Variants in EVC2 observed in about 807,000 individuals in gnomAD.
The protein encoded by EVC2 is EvC ciliary complex subunit 2.
EVC2 carries 148 observed loss-of-function variants against 149.3 expected under a neutral mutation model. The ratio of observed to expected loss-of-function variants is 0.99; its 90% CI spans 0.87 to 1.14. EVC2 has a LOEUF of 1.14. Among genes scored for constraint, EVC2 ranks in the 50% most tolerant of loss-of-function variants. EVC2 has a pLI of 0.00. For synonymous variants in EVC2, 776 were observed against 649.9 expected, an observed-to-expected ratio of 1.19 and a Z score of -2.95; for missense variants, 1,854 against 1,627.3, an observed-to-expected ratio of 1.14 and a Z score of -2.40.
chr4:5,628,845 A>G, intron 11 of EVC2, 111 bp from the exon 12 acceptor site: 1 of 1,133,320 alleles, frequency 8.8e-7, no homozygotes, highest in Non-Finnish European at 1.2e-6. Context: ...ACACAAGAAA[A>G]GAAACATGAG....
In EVC2 at chr4:5,628,689, A is replaced by G. The variant is rs1716306763; in HGVS notation, c.1756T>C (p.Tyr586His). 6.2e-7 allele frequency: 1 copy of G among 1,613,504 alleles called. No individual in the cohort carries two copies. The change falls in exon 12 of 22, where the codon TAT (tyrosine) becomes CAT (histidine). Residue 586 changes from tyrosine to histidine, a missense_variant. Coordinates refer to ENST00000344408, the MANE Select transcript of EVC2 (RefSeq NM_147127.5). ...LMDFFQASKR[Y>H]HLSKRFGHRE... ...TGGCCAAATCTTTTACTTAGATGAT[A>G]CCTCTTACTAGCCTGGAAAAAGTCC... is the stretch of plus-strand genomic sequence containing the variant.
chr4:5,650,016 G>A (rs549521329), intron 9 of EVC2, among the ~76,000 whole-genome samples: 9 of 152,192 alleles, frequency 5.9e-5, no homozygotes. Context: ...TAAATTTCTA[G>A]TTGGGTAAAA....
At position 5,584,783 on chromosome 4, in the gene EVC2, G is replaced by T. The variant is rs145425340; in HGVS notation, c.2897C>A (p.Ser966Ter). The change falls in exon 17 of 22, where the codon TCG (serine) becomes TAG (stop). Residue 966 changes from serine to a stop codon, truncating the protein, a stop_gained. Coordinates refer to ENST00000344408, the MANE Select transcript of EVC2 (RefSeq NM_147127.5). LOFTEE classifies it high-confidence loss of function. ...MEAQEGGFAQ[S>*]LVALQFQKAS... ...CTTCTGGAACTGCAGAGCAACAAGC[G>T]ACTGTGCAAAGCCTCCCTCCTGTGC... 1.2e-6 allele frequency: 2 copies of T among 1,614,142 alleles called. No individual in the cohort carries two copies. The highest frequency in any genetic ancestry group is 1.7e-6 in the Non-Finnish European group (2 of 1,180,022).
intron 7 of EVC2, among the ~76,000 whole-genome samples, chr4:5,674,661 G>C (rs1038180895): frequency 5.3e-5 from 8 of 152,170 alleles, no homozygotes; most frequent in African/African-American, 1.9e-4. Context: ...GGTAAGCTAA[G>C]AACAGGATGT....
rs1716692696 is a variant in EVC2, at chr4:5,633,460, T to A, written c.1471-1428A>T. On this transcript the variant is annotated intron_variant, in intron 10 of 21. Transcript: ENST00000344408. The surrounding 1 kb of genome is among the most constrained non-coding windows in gnomAD (Gnocchi z 4.4). Reference sequence around the variant, plus strand: ...AGAAGAAACACAAGCTTAGAGAAGGTAAGAGCTTTCCCAAATTCTCACCCA... The same window carrying A: ...AGAAGAAACACAAGCTTAGAGAAGGAAAGAGCTTTCCCAAATTCTCACCCA... Among the ~76,000 whole-genome samples, 1 of 152,128 alleles carries A rather than the reference T, an allele frequency of 6.6e-6. No individual in the cohort carries two copies. Among genetic ancestry groups the A allele is most frequent in the South Asian group, 2.1e-4 (1 of 4,826 alleles).
At chr4:5,594,227 C>T (rs1713147311) in intron 16 of EVC2, among the ~76,000 whole-genome samples, 1 of 152,180 alleles carries the variant, frequency 6.6e-6, no homozygotes, top group South Asian at 2.1e-4. Flanking sequence ...AGTGGTTCTC[C>T]CAGCACGCAG....
chr4:5,552,546 G>A (rs1049197993), intron 21 of EVC2, among the ~76,000 whole-genome samples: 8 of 151,712 alleles, frequency 5.3e-5, no homozygotes, highest in Non-Finnish European at 8.8e-5. Flanking sequence ...CGCAGAGGCT[G>A]AATCTACACT....
intron 16 of EVC2, among the ~76,000 whole-genome samples, chr4:5,593,447 A>G (rs1577130551): frequency 6.6e-6 from 1 of 152,218 alleles, no homozygotes; most frequent in Admixed American, 6.5e-5. Context: ...GGAGGTGAGA[A>G]TTAAAGGTGC....
chr4:5,582,868 C>T (rs545917827), intron 17 of EVC2, among the ~76,000 whole-genome samples: 2 of 152,104 alleles, frequency 1.3e-5, no homozygotes, highest in Non-Finnish European at 2.9e-5. Context: ...GGCACCTCCC[C>T]CTACTTCTCT....
In EVC2 at chr4:5,686,973, G is replaced by C. The variant is rs114781203; in HGVS notation, c.707-1494C>G. Among the ~76,000 whole-genome samples the C allele has an allele frequency of 4.8e-3, 733 of 152,200 alleles. 3 individuals carry two copies. Among genetic ancestry groups the C allele is most frequent in the African/African-American group, 0.017 (695 of 41,542 alleles). On this transcript the variant is annotated intron_variant, in intron 5 of 21. Transcript: ENST00000344408. This position sits in a 1 kb window ranked among gnomAD's most constrained non-coding sequence, Gnocchi z 5.4. ...AGTAAGAATAAAAATAACAACAACA[G>C]TGGCCGGGCATGGTGGCTCACGCCT...
At chr4:5,534,817 GGA>G in the EVC2 span, among the ~76,000 whole-genome samples, 1 of 97,502 alleles carries the variant, frequency 1.0e-5, no homozygotes, top group African/African-American at 4.7e-5. Flanking sequence ...GCATCTGGTA[GGA>G]AAAAAAAAAA....
At position 5,694,320 on chromosome 4, in the gene EVC2, G is replaced by T. The variant is rs370367479; in HGVS notation, c.450+15C>A. On this transcript the variant is annotated intron_variant, in intron 3 of 21. Transcript: ENST00000344408. ...CTTCTGGTATTTGTGTTAAAGCATT[G>T]AACTTAATACTTACCAGGCGGTGTG... 13 of 1,612,740 alleles carry T rather than the reference G, an allele frequency of 8.1e-6. No homozygotes were observed. Among genetic ancestry groups the T allele is most frequent in the Non-Finnish European group, 1.1e-5 (13 of 1,179,184 alleles).
intron 16 of EVC2, among the ~76,000 whole-genome samples, chr4:5,599,620 G>T (rs6846633): frequency 0.35 from 52,671 of 151,922 alleles, 11,974 homozygotes; most frequent in African/African-American, 0.63. Flanking sequence ...TACCTAATGC[G>T]AAATGACGAG....
chr4:5,708,055 C>A (rs573521396), intron 1 of EVC2: 227 of 420,810 alleles, frequency 5.4e-4, no homozygotes, highest in Non-Finnish European at 7.8e-4. Context: ...ACCAGGGTCG[C>A]TGGTGAAGTC....
At chr4:5,607,154 C>A (rs1406235626) in intron 16 of EVC2, among the ~76,000 whole-genome samples, 1 of 152,072 alleles carries the variant, frequency 6.6e-6, no homozygotes, top group African/African-American at 2.4e-5. Context: ...TGATTTCTCT[C>A]CTAAGCTGAG....
downstream of EVC2, among the ~76,000 whole-genome samples, chr4:5,539,390 A>C (rs1052039177): frequency 3.9e-5 from 6 of 152,204 alleles, no homozygotes; most frequent in Non-Finnish European, 7.4e-5. Flanking sequence ...ACACAATCTG[A>C]ATCAAAATCA....
intron 16 of EVC2, among the ~76,000 whole-genome samples, chr4:5,604,648 T>C (rs947689718): frequency 3.3e-5 from 5 of 152,138 alleles, no homozygotes; most frequent in African/African-American, 1.2e-4. Context: ...AGGGTGACTA[T>C]AGTTAATAAC....
chr4:5,619,295 A>C (rs1407168187), intron 14 of EVC2, among the ~76,000 whole-genome samples: 1 of 152,206 alleles, frequency 6.6e-6, no homozygotes, highest in African/African-American at 2.4e-5. Flanking sequence ...TTACAAATGT[A>C]ATTAAGAAGT....
chr4:5,662,820 C>T (rs1311415027), intron 9 of EVC2, among the ~76,000 whole-genome samples: 4 of 151,642 alleles, frequency 2.6e-5, no homozygotes, highest in Admixed American at 6.6e-5. Flanking sequence ...TGTGCTCTGC[C>T]GGCCCTGACC....
Sources: gnomAD v4.1 joint callset for allele counts (sites outside exome capture counted in the v4.1 genomes callset) on GRCh38, gnomAD v4.1.1 for gene constraint, Gnocchi (gnomAD v3.1) non-coding constraint, MANE v1.5 for transcripts, NCBI Gene and HGNC (gene_info 2026-07-23, HGNC 2026-07-21) for gene names.